The following VSNL1 variants were observed in gnomAD, a reference collection of about 807,000 sequenced individuals.
VSNL1 encodes the protein visinin like 1, also known as visinin-like protein 1.
A neutral mutation model predicts 20.4 loss-of-function variants in VSNL1; 6 were observed. The observed-to-expected ratio is 0.29, with a 90% CI of 0.16 to 0.58. VSNL1 has a LOEUF of 0.58. Among genes scored for constraint, VSNL1 ranks in the 20% least tolerant of loss-of-function variants. VSNL1 has a pLI of 0.90. For missense variants in VSNL1, 100 were observed against 234.5 expected, an observed-to-expected ratio of 0.43 and a Z score of 3.75; for synonymous variants, 93 against 86.4, an observed-to-expected ratio of 1.08 and a Z score of -0.42.
chr2:17,606,308 C>T (rs1026955594), intron 2 of VSNL1, among the ~76,000 whole-genome samples: 2 of 152,018 alleles, frequency 1.3e-5, no homozygotes, highest in African/African-American at 2.4e-5. Context: ...AGTGAAGAGT[C>T]GGGGGCTGGA....
intron 2 of VSNL1, among the ~76,000 whole-genome samples, chr2:17,640,790 G>A (rs986218291): frequency 4.6e-5 from 7 of 152,124 alleles, no homozygotes; most frequent in Admixed American, 3.3e-4. Flanking sequence ...TCAAATCAGG[G>A]TAATTAGCAT....
intron 2 of VSNL1, among the ~76,000 whole-genome samples, chr2:17,644,380 G>T (rs1665949036): frequency 6.6e-6 from 1 of 152,176 alleles, no homozygotes; most frequent in Non-Finnish European, 1.5e-5. Context: ...GTCCTTGGTG[G>T]TTCCCACAGA....
At chr2:17,619,887 C>G (rs1205927421) in intron 2 of VSNL1, among the ~76,000 whole-genome samples, 1 of 151,898 alleles carries the variant, frequency 6.6e-6, no homozygotes, top group Non-Finnish European at 1.5e-5. Context: ...GCAATCCCCC[C>G]CCAAAAGGCC....
At chr2:17,620,130 T>A (rs9789748) in intron 2 of VSNL1, among the ~76,000 whole-genome samples, 8,165 of 152,226 alleles carry the variant, frequency 0.054, 259 homozygotes, top group East Asian at 0.092. Flanking sequence ...ACAGGTCATA[T>A]CCTGGAAGGC....
chr2:17,638,299 CA>C (rs1167735983), intron 2 of VSNL1, among the ~76,000 whole-genome samples: 1 of 152,160 alleles, frequency 6.6e-6, no homozygotes, highest in Non-Finnish European at 1.5e-5. Context: ...GCGGATTACA[CA>C]ATTCAATATG....
At chr2:17,608,851 T>C (rs1317006426) in intron 2 of VSNL1, among the ~76,000 whole-genome samples, 1 of 152,172 alleles carries the variant, frequency 6.6e-6, no homozygotes, top group Non-Finnish European at 1.5e-5. Flanking sequence ...TGTATGTTAA[T>C]ATGTGTTTAT....
chr2:17,652,833 C>A (rs1185225666), intron 3 of VSNL1, among the ~76,000 whole-genome samples: 4 of 152,114 alleles, frequency 2.6e-5, no homozygotes, highest in African/African-American at 9.7e-5. Flanking sequence ...GGTCCTCTGC[C>A]CCGAAATTTC....
chr2:17,588,116 TTA>T (rs1236733169), intron 1 of VSNL1, among the ~76,000 whole-genome samples: 1 of 152,178 alleles, frequency 6.6e-6, no homozygotes, highest in Non-Finnish European at 1.5e-5. Context: ...TGGGCTGGCT[TTA>T]ATATTATAGC....
intron 1 of VSNL1, among the ~76,000 whole-genome samples, chr2:17,575,830 C>T (rs932093513): frequency 5.9e-5 from 9 of 152,032 alleles, no homozygotes; most frequent in South Asian, 4.1e-4. Context: ...CCACTGCGCC[C>T]GGCCCGATTT....
intron 1 of VSNL1, among the ~76,000 whole-genome samples, chr2:17,543,414 GTCC>G (rs907724956): frequency 1.3e-5 from 2 of 152,258 alleles, no homozygotes; most frequent in African/African-American, 4.8e-5. Context: ...CTCCCCATCT[GTCC>G]TCCTCCAAAA....
intron 1 of VSNL1, among the ~76,000 whole-genome samples, chr2:17,542,292 A>G (rs17314681): frequency 0.029 from 4,458 of 152,266 alleles, 64 homozygotes; most frequent in Middle Eastern, 0.054. Context: ...AGCCTTGGGT[A>G]TTTAATAACC....
intron 2 of VSNL1, among the ~76,000 whole-genome samples, chr2:17,592,886 G>A (rs1033299): frequency 0.11 from 16,627 of 151,688 alleles, 1,152 homozygotes; most frequent in African/African-American, 0.2. Flanking sequence ...CTACTGCAGT[G>A]GTATTGTTTT....
At chr2:17,641,996 CTAAA>C (rs1183565269) in intron 2 of VSNL1, among the ~76,000 whole-genome samples, 1 of 152,112 alleles carries the variant, frequency 6.6e-6, no homozygotes, top group Non-Finnish European at 1.5e-5. Flanking sequence ...ATCAGAAAAA[CTAAA>C]TAAAATATTA....
At chr2:17,614,076 G>A (rs573939338) in intron 2 of VSNL1, among the ~76,000 whole-genome samples, 1 of 152,320 alleles carries the variant, frequency 6.6e-6, no homozygotes, top group South Asian at 2.1e-4. Context: ...TTTGAGTGGG[G>A]CTCTGAACTG....
chr2:17,544,816 T>G (rs1663370677), intron 1 of VSNL1, among the ~76,000 whole-genome samples: 1 of 152,226 alleles, frequency 6.6e-6, no homozygotes, highest in Admixed American at 6.5e-5. Context: ...ATCTTCATTA[T>G]GCATAGTGAA....
chr2:17,616,978 G>A (rs1011261884), intron 2 of VSNL1, among the ~76,000 whole-genome samples: 13 of 152,160 alleles, frequency 8.5e-5, no homozygotes, highest in African/African-American at 3.1e-4. Context: ...CTCGTCCCTT[G>A]GGGGGTTGGC....
chr2:17,592,558 G>A (rs562581821), intron 2 of VSNL1, among the ~76,000 whole-genome samples: 7 of 147,332 alleles, frequency 4.8e-5, no homozygotes, highest in African/African-American at 1.8e-4. Context: ...GCTAATTACA[G>A]CATTATTTGG....
Position 17,656,124 on chromosome 2 carries a change from A to C in VSNL1, c.*730A>C, listed in dbSNP as rs1300605166. 6.6e-6 allele frequency: 1 copy of C among 152,576 alleles called. No homozygotes were observed. Among genetic ancestry groups the C allele is most frequent in the Non-Finnish European group, 1.5e-5 (1 of 68,024 alleles). 9.5% of individuals were successfully genotyped at this position (152,576 alleles called of 1,614,324 possible). On this transcript the variant is annotated 3_prime_UTR_variant, in exon 4 of 4. Transcript: ENST00000295156. ...TGGAAGTGTATTGGTTTCTGTTTGA[A>C]TTTTCAAAGGCTTCCAATGTGGTGG...
intron 1 of VSNL1, among the ~76,000 whole-genome samples, chr2:17,553,450 T>C (rs1407475886): frequency 6.6e-6 from 1 of 152,216 alleles, no homozygotes; most frequent in Admixed American, 6.5e-5. Context: ...GTGATTGCTG[T>C]TATGTTACAG....
Sources: allele counts gnomAD v4.1 joint callset (sites outside exome capture counted in the v4.1 genomes callset), GRCh38; gene constraint gnomAD v4.1.1; transcripts MANE v1.5; gene names NCBI Gene and HGNC (gene_info 2026-07-23, HGNC 2026-07-21).